Variants in NBPF19 observed in about 807,000 individuals in gnomAD.
NBPF19 encodes NBPF family member NBPF19.
In NBPF19, 30 loss-of-function variants were observed where a neutral mutation model predicts 45.9. The ratio of observed to expected loss-of-function variants is 0.65; its 90% CI spans 0.49 to 0.89. NBPF19 has a LOEUF of 0.89. NBPF19 is among the 40% of genes least tolerant of loss of function. The pLI is 0.00. For missense variants in NBPF19, 495 were observed against 471.8 expected (o/e 1.05, Z -0.46); for synonymous variants, 183 against 181.2 (o/e 1.01, Z -0.08).
intron 4 of NBPF19, among the ~76,000 whole-genome samples, chr1:149,479,824 C>T (rs1407967889): frequency 6.6e-6 from 1 of 150,788 alleles, no homozygotes; most frequent in Non-Finnish European, 1.5e-5. Flanking sequence ...AAGCCTGTGC[C>T]TGGGAATCAG....
At position 149,477,996 on chromosome 1, in the gene NBPF19, A is replaced by C; in HGVS notation, c.227A>C (p.Gln76Pro). ...AAATTTATGCTGAGGAATGAGCGAC[A>C]GTTCAAGGAGGAGAAGCTTGCAGAG... ...LIKFMLRNER[Q>P]FKEEKLAEQL... Residue 76 changes from glutamine to proline, a missense_variant, in exon 3 of 94, where the codon CAG (glutamine) becomes CCG (proline). By Grantham distance (76) the Gln-to-Pro change is moderately conservative (BLOSUM62 -1). Coordinates refer to ENST00000651566, the MANE Select transcript of NBPF19 (RefSeq NM_001351365.2). 1 of 1,500,498 alleles carries C rather than the reference A, an allele frequency of 6.7e-7. No individual in the cohort carries two copies. Among genetic ancestry groups the C allele is most frequent in the South Asian group, 1.1e-5 (1 of 89,290 alleles). The allele number at this position is 1,500,498 out of a possible 1,614,324, so 92.9% of individuals were successfully genotyped here. A position where few individuals can be genotyped will look rare whatever the true frequency, so the allele number is the denominator to read the frequency against.
chr1:149,490,765 A>G, intron 13 of NBPF19, among the ~76,000 whole-genome samples: 1 of 55,920 alleles, frequency 1.8e-5, no homozygotes, highest in Non-Finnish European at 3.2e-5. Context: ...ATTTTATGGA[A>G]AATTATTGAG....
At chr1:149,478,242 G>A (rs1342380894) in intron 3 of NBPF19, among the ~76,000 whole-genome samples, 195 bp downstream of exon 3, 1 of 151,224 alleles carries the variant, frequency 6.6e-6, no homozygotes, top group African/African-American at 2.4e-5. Flanking sequence ...GTTTCTTAGA[G>A]CCTTGTTTTC....
Position 149,511,862 on chromosome 1 carries a change from GGATA to G in NBPF19, c.4759_4762del (p.Arg1587ValfsTer11). 1 of 218,350 alleles carries G rather than the reference GGATA, an allele frequency of 4.6e-6. No homozygotes were observed. 13.5% of individuals were successfully genotyped at this position (218,350 alleles called of 1,614,324 possible). A position where few individuals can be genotyped will look rare whatever the true frequency, so the allele number is the denominator to read the frequency against. ...GGCCTGAAGTCTTGCAGGACTCACT[GGATA>G]GATGTTATTCAACTCCTTCAGGTTG... On this transcript the variant is annotated frameshift_variant, in exon 40 of 94. Coordinates refer to ENST00000651566, the MANE Select transcript of NBPF19 (RefSeq NM_001351365.2). LOFTEE classifies it high-confidence loss of function.
chr1:149,554,712 C>T lies in NBPF19; in HGVS notation c.11506C>T (p.Gln3836Ter), dbSNP rs1278229426. ...GGTGACAAGTCTCCATCTGGTGTTC[C>T]AGATGTTAGTCATATTCCCACAATA... Reference protein sequence around the residue: ...LTVTSLHLVFQMLVIFPQ With the variant: ...LTVTSLHLVF Residue 3836 changes from glutamine (Q) to a stop codon, truncating the protein, a stop_gained, in exon 94 of 94, where the codon CAG becomes TAG. Coordinates refer to ENST00000651566, the MANE Select transcript of NBPF19 (RefSeq NM_001351365.2). LOFTEE classifies it low-confidence loss of function (END_TRUNC). 3.1e-6 allele frequency: 5 copies of T among 1,608,076 alleles called. No individual in the cohort carries two copies. In the Admixed American group the frequency reaches 6.7e-5, roughly 21 times the overall value.
In NBPF19 at chr1:149,487,395, A is replaced by G; in HGVS notation, c.1040+12A>G. ...GCAACAGGTCCCAGGTGAGTCTGAGAAATTGTGGACAGTTAATTTGATGTT... is the reference window on the plus strand; with the variant it reads ...GCAACAGGTCCCAGGTGAGTCTGAGGAATTGTGGACAGTTAATTTGATGTT... On this transcript the variant is annotated intron_variant, in intron 9 of 93. Transcript: ENST00000651566. 6.9e-7 allele frequency: 1 copy of G among 1,451,688 alleles called. No homozygotes were observed. The highest frequency in any genetic ancestry group is 9.6e-7 in the Non-Finnish European group (1 of 1,046,268). 89.9% of individuals were successfully genotyped at this position (1,451,688 alleles called of 1,614,324 possible).
At position 149,477,418 on chromosome 1, in the gene NBPF19, A is replaced by C. The variant is rs1488097620; in HGVS notation, c.176-527A>C. Among the ~76,000 whole-genome samples, 23 of 151,368 alleles carry C rather than the reference A, an allele frequency of 1.5e-4. 1 individual carries two copies. The highest frequency in any genetic ancestry group is 1.3e-3 in the Admixed American group (20 of 15,168). ...ATTTCCTTCATGGCCTTATTGTCTT[A>C]TATCTCACACTTTATGCTTCAGATA... On this transcript the variant is annotated intron_variant, in intron 2 of 93. Transcript: ENST00000651566.
intron 10 of NBPF19, among the ~76,000 whole-genome samples, 199 bp downstream of exon 10, chr1:149,488,384 C>G (rs1430623522): frequency 7.0e-6 from 1 of 142,586 alleles, no homozygotes; most frequent in African/African-American, 2.6e-5. Context: ...GGCTCTCTTC[C>G]TAGTCTCAGG....
chr1:149,486,117 C>T lies in NBPF19; in HGVS notation c.825-13C>T. The T allele has an allele frequency of 2.5e-6, 1 of 392,850 alleles. No homozygotes were observed. The highest frequency in any genetic ancestry group is 2.3e-5 in the South Asian group (1 of 44,286). The allele number at this position is 392,850 out of a possible 1,614,324, so 24.3% of individuals were successfully genotyped here. A position where few individuals can be genotyped will look rare whatever the true frequency, so the allele number is the denominator to read the frequency against. The stretch of plus-strand genomic sequence containing the variant: ...TAAATCTTCTATCATCCCTGTCCTG[C>T]CTGGCTCATCAGGAATCTGCAGGAG... On this transcript the variant is annotated splice_polypyrimidine_tract_variant and intron_variant, in intron 7 of 93. Coordinates refer to ENST00000651566, the MANE Select transcript of NBPF19 (RefSeq NM_001351365.2).
intron 10 of NBPF19, among the ~76,000 whole-genome samples, chr1:149,488,608 G>C (rs1226453976): frequency 1.7e-5 from 1 of 57,934 alleles, no homozygotes. Context: ...GCAACCATTT[G>C]GGGGTATTTG....
At chr1:149,479,801 G>A (rs1218991796) in intron 4 of NBPF19, among the ~76,000 whole-genome samples, 17 of 151,068 alleles carry the variant, frequency 1.1e-4, no homozygotes, top group Admixed American at 2.0e-4. Context: ...AATGCAAACC[G>A]TGACAGGACA....
Position 149,554,566 on chromosome 1 carries a change from C to T in NBPF19, c.11360C>T (p.Thr3787Ile). 2 of 1,608,236 alleles carry T rather than the reference C, an allele frequency of 1.2e-6. No homozygotes were observed. The highest frequency in any genetic ancestry group is 1.7e-6 in the Non-Finnish European group (2 of 1,176,750). Residue 3787 changes from threonine (T) to isoleucine (I), a missense_variant, in exon 94 of 94, where the codon ACT becomes ATT. Coordinates refer to ENST00000651566, the MANE Select transcript of NBPF19 (RefSeq NM_001351365.2). ...LQDSLDGCYS[T>I]PSMYFELPDS... is the part of the protein sequence containing the mutation. ...GACTCACTGGATGGATGTTATTCGA[C>T]TCCGTCAATGTACTTTGAACTACCT... is the stretch of plus-strand genomic sequence containing the variant.
intron 3 of NBPF19, 42 bp from the exon 4 acceptor site, chr1:149,478,838 A>G: frequency 6.6e-7 from 1 of 1,515,730 alleles, no homozygotes; most frequent in South Asian, 1.1e-5. Context: ...CGGATCACTC[A>G]ACCCTTTCTA....
chr1:149,477,841 G>A, intron 2 of NBPF19, 104 bp from the exon 3 acceptor site: 1 of 809,496 alleles, frequency 1.2e-6, no homozygotes, highest in Non-Finnish European at 2.1e-6. Context: ...CTGGTACTGG[G>A]GAGAGTTTTG....
intron 4 of NBPF19, among the ~76,000 whole-genome samples, chr1:149,479,636 G>T (rs2085053614): frequency 3.4e-5 from 5 of 146,042 alleles, no homozygotes; most frequent in African/African-American, 7.9e-5. Context: ...GGGGGCATTT[G>T]GTGGTAGGAA....
rs1366831563 is a variant in NBPF19, at chr1:149,554,915, A to G, written c.*177A>G. ...GCAACCTGTGCTCAGTCTGAAGACA[A>G]TGGACCCACGTTAGGTGTGACACGT... On this transcript the variant is annotated 3_prime_UTR_variant, in exon 94 of 94. Coordinates refer to ENST00000651566, the MANE Select transcript of NBPF19 (RefSeq NM_001351365.2). 1.3e-4 allele frequency: 153 copies of G among 1,165,738 alleles called. 5 individuals carry two copies. The highest frequency in any genetic ancestry group is 3.9e-4 in the Admixed American group (17 of 43,664). 72.2% of individuals were successfully genotyped at this position (1,165,738 alleles called of 1,614,324 possible).
At chr1:149,554,394 T>C in intron 93 of NBPF19, 101 bp from the exon 94 acceptor site, 1 of 1,602,318 alleles carries the variant, frequency 6.2e-7, no homozygotes, top group Non-Finnish European at 8.5e-7. Context: ...TCTATCCTTT[T>C]TCTTTTCTAA....
chr1:149,514,705 G>A (rs1431773831), intron 43 of NBPF19, among the ~76,000 whole-genome samples: 3 of 75,116 alleles, frequency 4.0e-5, no homozygotes, highest in East Asian at 1.3e-3. Flanking sequence ...GTGTGTGTGT[G>A]TGTGTGTGTG....
intron 7 of NBPF19, among the ~76,000 whole-genome samples, chr1:149,484,153 AATACT>A (rs1176911797): frequency 1.5e-5 from 1 of 67,368 alleles, no homozygotes; most frequent in Non-Finnish European, 2.8e-5. Flanking sequence ...TACACCATGG[AATACT>A]ATGCAGCTAT....
Sources: gnomAD v4.1 joint callset for allele counts (sites outside exome capture counted in the v4.1 genomes callset) on GRCh38, gnomAD v4.1.1 for gene constraint, MANE v1.5 for transcripts, NCBI Gene and HGNC (gene_info 2026-07-23, HGNC 2026-07-21) for gene names.